The following FAM120A variants were observed in gnomAD, a reference collection of about 807,000 sequenced individuals.
FAM120A encodes family with sequence similarity 120 member A.
FAM120A carries 15 observed loss-of-function variants against 109.7 expected under a neutral mutation model. The ratio of observed to expected loss-of-function variants is 0.14; its 90% CI spans 0.09 to 0.21. The LOEUF (loss-of-function observed/expected upper bound fraction) is 0.21, where lower values mean the gene tolerates loss of function less well. Ranked by LOEUF, FAM120A falls within the 10% of genes least tolerant of loss-of-function variation. FAM120A has a pLI of 1.00. For synonymous variants in FAM120A, 493 were observed against 572.8 expected (o/e 0.86, Z 1.99); for missense variants, 899 against 1,439.3 (o/e 0.62, Z 6.07).
intron 5 of FAM120A, among the ~76,000 whole-genome samples, chr9:93,502,756 G>T (rs911350551): frequency 1.3e-5 from 2 of 152,204 alleles, no homozygotes; most frequent in African/African-American, 4.8e-5. Flanking sequence ...TGTTCTTTCT[G>T]TCTCAGCATG....
chr9:93,544,645 A>G (rs537769099), intron 11 of FAM120A, among the ~76,000 whole-genome samples: 1 of 152,310 alleles, frequency 6.6e-6, no homozygotes, highest in Non-Finnish European at 1.5e-5. Context: ...TTACTTTATA[A>G]CCACCAAAGA....
In FAM120A at chr9:93,543,216, C is replaced by T. The variant is rs764747579; in HGVS notation, c.1910-6C>T. On this transcript the variant is annotated splice_region_variant and splice_polypyrimidine_tract_variant and intron_variant, in intron 10 of 17. Coordinates refer to ENST00000277165, the MANE Select transcript of FAM120A (RefSeq NM_014612.5). ...ATGTGTCTTCTCTGGCTTTTTTTTC[C>T]TGTAGTTTCACCAGTGATCATTAAA... 18 of 1,606,946 alleles carry T rather than the reference C, an allele frequency of 1.1e-5. No homozygotes were observed. The Admixed American group carries it at 1.4e-4, about 12-fold the overall frequency.
At chr9:93,542,188 A>C (rs1861724613) in intron 10 of FAM120A, among the ~76,000 whole-genome samples, 2 of 152,118 alleles carry the variant, frequency 1.3e-5, no homozygotes, top group African/African-American at 4.8e-5. Context: ...CGTGCACTGG[A>C]GTGTGTCAGC....
At chr9:93,497,978 ATTTGTCTG>A (rs1859643914) in intron 4 of FAM120A, among the ~76,000 whole-genome samples, 1 of 152,170 alleles carries the variant, frequency 6.6e-6, no homozygotes, top group African/African-American at 2.4e-5. Flanking sequence ...TAAATCTCTG[ATTTGTCTG>A]TTTTCTTCAG....
intron 12 of FAM120A, 36 bp downstream of exon 12, chr9:93,550,727 T>A (rs759512773): frequency 1.3e-6 from 2 of 1,540,804 alleles, no homozygotes; most frequent in South Asian, 2.3e-5. Flanking sequence ...TCTTGGACAG[T>A]CTCACTTTGG....
intron 1 of FAM120A, among the ~76,000 whole-genome samples, chr9:93,460,925 T>C (rs1035755823): frequency 4.6e-5 from 7 of 152,164 alleles, no homozygotes; most frequent in African/African-American, 1.7e-4. Context: ...ACTTAGGAGA[T>C]GTGTTGAGGG....
chr9:93,557,846 T>C lies in FAM120A; in HGVS notation c.2504T>C (p.Val835Ala). 1 of 1,613,862 alleles carries C rather than the reference T, an allele frequency of 6.2e-7. No individual in the cohort carries two copies. Among genetic ancestry groups the C allele is most frequent in the Non-Finnish European group, 8.5e-7 (1 of 1,179,920 alleles). ...CDGQADQAAKVEKMRQSVLEG... is the reference protein window; with the variant it reads ...CDGQADQAAKAEKMRQSVLEG... Reference sequence around the variant, plus strand: ...TTCCAGGCTGATCAGGCTGCCAAGGTAGAGAAGATGCGCCAGAGCGTCCTC... The same window carrying C: ...TTCCAGGCTGATCAGGCTGCCAAGGCAGAGAAGATGCGCCAGAGCGTCCTC... The change falls in exon 14 of 18, where the codon GTA becomes GCA. Residue 835 changes from valine to alanine, a missense_variant. By Grantham distance (64) the Val-to-Ala change is moderately conservative. Around this residue, in one of 11 missense-constraint regions of FAM120A, gnomAD observed 129 missense variants for 153.4 expected, o/e 0.84. Transcript: ENST00000277165.
intron 3 of FAM120A, among the ~76,000 whole-genome samples, chr9:93,488,545 C>T (rs77790806): frequency 6.6e-6 from 1 of 152,070 alleles, no homozygotes; most frequent in African/African-American, 2.4e-5. Flanking sequence ...AAATATATTT[C>T]TCCAGACAAG....
rs373111614 is a variant in FAM120A at position 93,492,728 on chromosome 9, G to A, written c.805-4743G>A. 5.9e-5 allele frequency among the ~76,000 whole-genome samples: 9 copies of A among 152,248 alleles called. No individual in the cohort carries two copies. In the South Asian group the frequency reaches 8.3e-4, roughly 14 times the overall value. On this transcript the variant is annotated intron_variant, in intron 3 of 17. Transcript: ENST00000277165. ...CATGGTCAGCAAATTATAAACGGCC[G>A]GTGTTTTCGGACCAGAGGGTAGATG... is the stretch of plus-strand genomic sequence containing the variant.
In FAM120A at chr9:93,529,493, C is replaced by T; in HGVS notation, c.1647C>T (p.Pro549=). The T allele has an allele frequency of 6.2e-7, 1 of 1,614,210 alleles. No homozygotes were observed. Among genetic ancestry groups the T allele is most frequent in the Non-Finnish European group, 8.5e-7 (1 of 1,180,028 alleles). ...NHMDITTPPL[P]PVAPEVLRVA... The stretch of plus-strand genomic sequence containing the variant: ...TGGACATCACCACACCTCCCCTGCC[C>T]CCCGTCGCACCTGAGGTGCTGAGAG... Residue 549 remains proline (P), a synonymous_variant, in exon 9 of 18, where the codon CCC becomes CCT. Coordinates refer to ENST00000277165, the MANE Select transcript of FAM120A (RefSeq NM_014612.5).
chr9:93,561,955 C>G (rs1333301561), intron 16 of FAM120A, among the ~76,000 whole-genome samples: 1 of 152,158 alleles, frequency 6.6e-6, no homozygotes, highest in Non-Finnish European at 1.5e-5. Flanking sequence ...AATAAATCTT[C>G]CCTATGATCA....
chr9:93,493,784 C>T (rs1438273953), intron 3 of FAM120A, among the ~76,000 whole-genome samples: 1 of 152,178 alleles, frequency 6.6e-6, no homozygotes, highest in East Asian at 1.9e-4. Context: ...GGGCAGAGTC[C>T]CAGGAGCCAA....
chr9:93,526,961 T>C (rs535126167), intron 7 of FAM120A, among the ~76,000 whole-genome samples, 194 bp from the exon 8 acceptor site: 16 of 152,362 alleles, frequency 1.1e-4, no homozygotes, highest in African/African-American at 3.8e-4. Context: ...TAGTTTCTTT[T>C]CCATAGTATG....
intron 7 of FAM120A, among the ~76,000 whole-genome samples, chr9:93,517,581 C>T (rs1256943480): frequency 1.3e-5 from 2 of 152,176 alleles, no homozygotes; most frequent in Non-Finnish European, 2.9e-5. Context: ...AGTGTCTGTA[C>T]AATACAGTTT....
In FAM120A at chr9:93,543,418, G is replaced by A; in HGVS notation, c.2106G>A (p.Met702Ile). The A allele has an allele frequency of 6.2e-7, 1 of 1,614,164 alleles. No individual in the cohort carries two copies. Among genetic ancestry groups the A allele is most frequent in the Non-Finnish European group, 8.5e-7 (1 of 1,180,032 alleles). ...LACMRSDTPA[M>I]LNPANVPTHL... Reference sequence around the variant, plus strand: ...GCATGAGGTCGGACACCCCAGCCATGCTCAACCCTGCCAACGTGCCCACTC... The same window carrying A: ...GCATGAGGTCGGACACCCCAGCCATACTCAACCCTGCCAACGTGCCCACTC... The change falls in exon 11 of 18, where the codon ATG (methionine) becomes ATA (isoleucine). Residue 702 changes from methionine (M) to isoleucine (I), a missense_variant. This residue lies in a region of FAM120A where 133 missense variants were observed against 276.6 expected (regional missense o/e 0.48). Coordinates refer to ENST00000277165, the MANE Select transcript of FAM120A (RefSeq NM_014612.5).
chr9:93,553,924 G>A (rs902869491), intron 12 of FAM120A, among the ~76,000 whole-genome samples: 25 of 152,052 alleles, frequency 1.6e-4, no homozygotes, highest in African/African-American at 6.0e-4. Flanking sequence ...ACCACATAAT[G>A]TAAGTTTAAA....
chr9:93,529,596 C>A lies in FAM120A; in HGVS notation c.1734+16C>A. The A allele has an allele frequency of 1.2e-6, 2 of 1,609,830 alleles. No homozygotes were observed. The highest frequency in any genetic ancestry group is 1.7e-6 in the Non-Finnish European group (2 of 1,176,086). ...CCTGACGAAGGTATTATCAAAGGGGCCCTGGAGTGGCTTCTGTTATTTGAT... is the reference window on the plus strand; with the variant it reads ...CCTGACGAAGGTATTATCAAAGGGGACCTGGAGTGGCTTCTGTTATTTGAT... On this transcript the variant is annotated intron_variant, in intron 9 of 17. Transcript: ENST00000277165.
rs774150537 is a variant in FAM120A, at chr9:93,545,780, CT to C, written c.2159+2335del. Among the ~76,000 whole-genome samples the C allele has an allele frequency of 7.5e-3, 492 of 65,496 alleles. 1 individual carries two copies. Among genetic ancestry groups the C allele is most frequent in the Middle Eastern group, 0.018 (2 of 110 alleles). 43.0% of individuals were successfully genotyped at this position (65,496 alleles called of 152,430 possible). A position where few individuals can be genotyped will look rare whatever the true frequency, so the allele number is the denominator to read the frequency against. ...GAAGACTGGCTGATGGGAAAGACTC[CT>C]TTTTTTTTTTTTTTTTTTTTTTTTT... On this transcript the variant is annotated intron_variant, in intron 11 of 17. Coordinates refer to ENST00000277165, the MANE Select transcript of FAM120A (RefSeq NM_014612.5).
At chr9:93,514,600 C>A (rs568966785) in intron 5 of FAM120A, among the ~76,000 whole-genome samples, 1 of 152,300 alleles carries the variant, frequency 6.6e-6, no homozygotes, top group African/African-American at 2.4e-5. Flanking sequence ...CATCCCCAGG[C>A]CCAGTCCTCA....
Sources: gnomAD v4.1 joint callset for allele counts (sites outside exome capture counted in the v4.1 genomes callset) on GRCh38, gnomAD v4.1.1 for gene constraint, gnomAD v4.1.1 regional missense constraint, MANE v1.5 for transcripts, NCBI Gene and HGNC (gene_info 2026-07-23, HGNC 2026-07-21) for gene names.